CNTNAP2: variants seen among roughly 807,000 people sequenced by gnomAD.
CNTNAP2 encodes contactin-associated protein-like 2.
CNTNAP2 carries 98 observed loss-of-function variants against 155.2 expected under a neutral mutation model. The ratio of observed to expected loss-of-function variants is 0.63; its 90% CI spans 0.54 to 0.75. CNTNAP2 has a LOEUF of 0.75. Ranked by LOEUF, CNTNAP2 falls within the 30% of genes least tolerant of loss-of-function variation. The pLI, the probability that CNTNAP2 is intolerant of heterozygous loss-of-function variation, is 0.00. For missense variants in CNTNAP2, 1,727 were observed against 1,688.1 expected, an observed-to-expected ratio of 1.02 and a Z score of -0.40; for synonymous variants, 651 against 631.2, an observed-to-expected ratio of 1.03 and a Z score of -0.47.
chr7:146,937,407 T>C (rs901903468), intron 3 of CNTNAP2, among the ~76,000 whole-genome samples: 4 of 151,488 alleles, frequency 2.6e-5, no homozygotes, highest in Non-Finnish European at 5.9e-5. Flanking sequence ...AAACCGACTG[T>C]TAATACTTGT....
intron 21 of CNTNAP2, among the ~76,000 whole-genome samples, chr7:148,358,128 C>G (rs1412539994): frequency 1.3e-5 from 2 of 152,118 alleles, no homozygotes; most frequent in African/African-American, 2.4e-5. Context: ...TAGGGGTGTT[C>G]AAGGTGGTCG....
rs181127237 is a variant in CNTNAP2, at chr7:146,720,431, C to T, written c.98-53840C>T. Among the ~76,000 whole-genome samples, 219 of 152,160 alleles carry T rather than the reference C, an allele frequency of 1.4e-3. 1 individual carries two copies. The highest frequency in any genetic ancestry group is 5.0e-3 in the African/African-American group (208 of 41,532). ...GCTTAGGGGACACAAAAGTAGCTCA[C>T]GGAGGGAAGTGCCTACATACTCTGC... On this transcript the variant is annotated intron_variant, in intron 1 of 23. Coordinates refer to ENST00000361727, the MANE Select transcript of CNTNAP2 (RefSeq NM_014141.6).
chr7:147,594,821 T>A (rs1275898535), intron 12 of CNTNAP2, among the ~76,000 whole-genome samples: 2 of 152,070 alleles, frequency 1.3e-5, no homozygotes, highest in Admixed American at 1.3e-4. Flanking sequence ...AGAAGCAATA[T>A]GGTAAAAAGA....
At chr7:146,179,218 T>C (rs993225291) in intron 1 of CNTNAP2, among the ~76,000 whole-genome samples, 1 of 152,102 alleles carries the variant, frequency 6.6e-6, no homozygotes, top group Non-Finnish European at 1.5e-5. Flanking sequence ...TATGATCAGA[T>C]GAAAGTGTTG....
chr7:147,392,469 A>G (rs1194155572), intron 9 of CNTNAP2, among the ~76,000 whole-genome samples: 1 of 151,958 alleles, frequency 6.6e-6, no homozygotes, highest in African/African-American at 2.4e-5. Flanking sequence ...CCTTAGCGGT[A>G]TACACTGAAC....
chr7:148,105,341 C>T (rs889683804), intron 15 of CNTNAP2, among the ~76,000 whole-genome samples: 1 of 152,058 alleles, frequency 6.6e-6, no homozygotes, highest in Admixed American at 6.5e-5. Context: ...AAAGAGGAAA[C>T]AGTGCAAATA....
chr7:147,438,472 G>A (rs950493458), intron 10 of CNTNAP2, among the ~76,000 whole-genome samples: 1 of 151,262 alleles, frequency 6.6e-6, no homozygotes. Flanking sequence ...TAGTCATGGT[G>A]AATTATTTTT....
intron 1 of CNTNAP2, among the ~76,000 whole-genome samples, chr7:146,149,196 G>A (rs559647134): frequency 7.3e-5 from 11 of 151,350 alleles, no homozygotes; most frequent in African/African-American, 2.7e-4. Context: ...TAAAAAATTT[G>A]GACCACAAAA....
At chr7:146,732,230 C>T (rs1801538174) in intron 1 of CNTNAP2, among the ~76,000 whole-genome samples, 1 of 152,094 alleles carries the variant, frequency 6.6e-6, no homozygotes, top group Non-Finnish European at 1.5e-5. Flanking sequence ...CCCTGCAAAG[C>T]AAATATCATT....
At chr7:146,938,458 T>A (rs148308284) in intron 3 of CNTNAP2, among the ~76,000 whole-genome samples, 3 of 147,960 alleles carry the variant, frequency 2.0e-5, no homozygotes, top group African/African-American at 7.7e-5. Flanking sequence ...TATGTACACA[T>A]ATATATGTAT....
intron 15 of CNTNAP2, among the ~76,000 whole-genome samples, chr7:148,077,805 A>G (rs984234977): frequency 6.6e-6 from 1 of 152,226 alleles, no homozygotes; most frequent in South Asian, 2.1e-4. Flanking sequence ...ATTATGTTAC[A>G]TACATACAAG....
chr7:148,222,422 C>T (rs1795763196), intron 19 of CNTNAP2, among the ~76,000 whole-genome samples: 1 of 152,220 alleles, frequency 6.6e-6, no homozygotes, highest in Non-Finnish European at 1.5e-5. Flanking sequence ...GCTCAGGCCT[C>T]TCTTCCTCTT....
chr7:147,947,681 G>A (rs1800845109), intron 14 of CNTNAP2, among the ~76,000 whole-genome samples: 1 of 151,940 alleles, frequency 6.6e-6, no homozygotes, highest in Non-Finnish European at 1.5e-5. Flanking sequence ...AATGCTTCAG[G>A]AAAGAAAAGA....
chr7:146,133,549 C>T (rs1045902622), intron 1 of CNTNAP2, among the ~76,000 whole-genome samples: 1 of 152,062 alleles, frequency 6.6e-6, no homozygotes, highest in South Asian at 2.1e-4. Flanking sequence ...GGTTTTAGGT[C>T]TAATGTTTAA....
rs562707446 is a variant in CNTNAP2 at position 147,234,467 on chromosome 7, A to C, written c.1349-65674A>C. On this transcript the variant is annotated intron_variant, in intron 8 of 23. Coordinates refer to ENST00000361727, the MANE Select transcript of CNTNAP2 (RefSeq NM_014141.6). ...ATTCTCCTGCCTCAGCCTCCAGAGT[A>C]GCTGGGACTACAGGCGCCTGACACC... Among the ~76,000 whole-genome samples the C allele has an allele frequency of 1.8e-4, 27 of 150,916 alleles. No homozygotes were observed. The South Asian group carries it at 4.2e-3, about 23-fold the overall frequency.
At chr7:147,874,150 G>A (rs1247195782) in intron 13 of CNTNAP2, among the ~76,000 whole-genome samples, 1 of 152,056 alleles carries the variant, frequency 6.6e-6, no homozygotes, top group Non-Finnish European at 1.5e-5. Flanking sequence ...AGCTCTCAGT[G>A]GATCTACCAT....
At chr7:147,686,640 A>C (rs751410615) in intron 13 of CNTNAP2, among the ~76,000 whole-genome samples, 10 of 152,024 alleles carry the variant, frequency 6.6e-5, no homozygotes, top group Non-Finnish European at 1.5e-4. Flanking sequence ...GAAAAACCAC[A>C]AAAGAAGACT....
chr7:147,368,571 C>T (rs1796286459), intron 9 of CNTNAP2, among the ~76,000 whole-genome samples: 1 of 152,054 alleles, frequency 6.6e-6, no homozygotes. Flanking sequence ...TTCCTCTGCC[C>T]ACGGCCCGGT....
At chr7:146,914,824 T>A (rs1408855185) in intron 3 of CNTNAP2, among the ~76,000 whole-genome samples, 1 of 152,114 alleles carries the variant, frequency 6.6e-6, no homozygotes, top group African/African-American at 2.4e-5. Flanking sequence ...CATCAATTTA[T>A]CTTTGTTTTT....
Sources: allele counts gnomAD v4.1 joint callset (sites outside exome capture counted in the v4.1 genomes callset), GRCh38; gene constraint gnomAD v4.1.1; transcripts MANE v1.5; gene names NCBI Gene and HGNC (gene_info 2026-07-23, HGNC 2026-07-21).